The following HAO1 variants were observed in gnomAD, a reference collection of about 807,000 sequenced individuals.
HAO1 encodes hydroxyacid oxidase 1.
A neutral mutation model predicts 39.7 loss-of-function variants in HAO1; 34 were observed. The observed-to-expected ratio is 0.86, with a 90% CI of 0.65 to 1.14. The LOEUF (loss-of-function observed/expected upper bound fraction) is 1.14, where lower values mean the gene tolerates loss of function less well. HAO1 is among the 50% of genes most tolerant of loss of function. The pLI is 0.00. For synonymous variants in HAO1, 172 were observed against 173.2 expected (o/e 0.99, Z 0.05); for missense variants, 479 against 464.5 (o/e 1.03, Z -0.29).
At chr20:7,891,731 C>G (rs752963810) in intron 5 of HAO1, among the ~76,000 whole-genome samples, 5 of 152,168 alleles carry the variant, frequency 3.3e-5, no homozygotes, top group Non-Finnish European at 5.9e-5. Context: ...AACTCAAAAG[C>G]CCTTCTAGAC....
chr20:7,939,942 T>G (rs2050433014), intron 1 of HAO1, among the ~76,000 whole-genome samples: 1 of 152,192 alleles, frequency 6.6e-6, no homozygotes, highest in African/African-American at 2.4e-5. Context: ...TAATGCTGTT[T>G]CCTACACCAT....
chr20:7,940,274 A>T lies in HAO1; in HGVS notation c.137+12T>A, dbSNP rs769700968. 5.0e-6 allele frequency: 8 copies of T among 1,586,874 alleles called. No homozygotes were observed. The highest frequency in any genetic ancestry group is 6.8e-6 in the Non-Finnish European group (8 of 1,170,014). On this transcript the variant is annotated intron_variant, in intron 1 of 7. Transcript: ENST00000378789. The stretch of plus-strand genomic sequence containing the variant: ...ATTTTAAAACATGATTTTAAAAAAT[A>T]AATTTTCTTACCTGGAAAATGCTGC...
chr20:7,889,190 T>C (rs890908717), intron 5 of HAO1, among the ~76,000 whole-genome samples: 1 of 151,660 alleles, frequency 6.6e-6, no homozygotes, highest in African/African-American at 2.4e-5. Flanking sequence ...TGGACTCTTT[T>C]TATAGAAGAA....
At chr20:7,919,767 A>C (rs1205641037) in intron 2 of HAO1, among the ~76,000 whole-genome samples, 1 of 152,190 alleles carries the variant, frequency 6.6e-6, no homozygotes, top group Non-Finnish European at 1.5e-5. Flanking sequence ...GCATTTGGAA[A>C]AATAAGTTCT....
intron 5 of HAO1, among the ~76,000 whole-genome samples, chr20:7,886,182 G>GTT (rs11480990): frequency 0.011 from 1,626 of 150,340 alleles, 36 homozygotes; most frequent in African/African-American, 0.038. Flanking sequence ...TAACTTTTTT[G>GTT]TTTTTTTTTG....
intron 4 of HAO1, among the ~76,000 whole-genome samples, chr20:7,895,687 T>C (rs901362483): frequency 2.6e-5 from 4 of 152,240 alleles, no homozygotes; most frequent in East Asian, 1.9e-4. Context: ...TAACAAGTTG[T>C]AATAGCTTTA....
intron 5 of HAO1, among the ~76,000 whole-genome samples, chr20:7,894,515 G>T (rs1009227195): frequency 6.6e-6 from 1 of 152,144 alleles, no homozygotes; most frequent in African/African-American, 2.4e-5. Context: ...AGCAGATCAG[G>T]ATTCTTTAAA....
In HAO1 at chr20:7,934,540, C is replaced by G; in HGVS notation, c.233G>C (p.Gly78Ala). ...AGCCATGCGCTGCATGGCCGTAGCC[C>G]CCACACATATTGGCATGCTGACCCT... ...GQRVSMPICV[G>A]ATAMQRMAHV... Residue 78 changes from glycine (G) to alanine (A), a missense_variant, in exon 2 of 8, where the codon GGG becomes GCG. By Grantham distance (60) the Gly-to-Ala change is moderately conservative. Transcript: ENST00000378789. The G allele has an allele frequency of 1.2e-6, 2 of 1,613,632 alleles. No homozygotes were observed. The highest frequency in any genetic ancestry group is 8.5e-7 in the Non-Finnish European group (1 of 1,179,618).
intron 2 of HAO1, among the ~76,000 whole-genome samples, chr20:7,930,843 T>G (rs186510976): frequency 1.3e-5 from 2 of 152,216 alleles, no homozygotes; most frequent in Admixed American, 1.3e-4. Context: ...AGGCAAAAAG[T>G]GGTAGGTCTG....
intron 5 of HAO1, among the ~76,000 whole-genome samples, chr20:7,892,665 G>T (rs2122753614): frequency 6.6e-6 from 1 of 152,178 alleles, no homozygotes; most frequent in East Asian, 1.9e-4. Flanking sequence ...ACCACTGAAG[G>T]GTTCCGATAA....
chr20:7,928,960 C>G (rs1301898780), intron 2 of HAO1, among the ~76,000 whole-genome samples: 1 of 152,168 alleles, frequency 6.6e-6, no homozygotes, highest in Non-Finnish European at 1.5e-5. Flanking sequence ...CACATCCCTG[C>G]TCCCTTGGGT....
chr20:7,940,390 A>G lies in HAO1; in HGVS notation c.33T>C (p.Tyr11=), dbSNP rs929226189. ...GAAGTACTGATTTAGCATGTTGTTC[A>G]TAATCATTGATACAAATTAGCCGGG... MLPRLICIND[Y]EQHAKSVLPK... The change falls in exon 1 of 8, where the codon TAT becomes TAC. Residue 11 remains tyrosine, a synonymous_variant. Coordinates refer to ENST00000378789, the MANE Select transcript of HAO1 (RefSeq NM_017545.3). 6.2e-7 allele frequency: 1 copy of G among 1,611,936 alleles called. No homozygotes were observed. Among genetic ancestry groups the G allele is most frequent in the Middle Eastern group, 1.7e-4 (1 of 6,058 alleles).
In HAO1 at chr20:7,904,699, C is replaced by T. The variant is rs57371838; in HGVS notation, c.721+1455G>A. The stretch of plus-strand genomic sequence containing the variant: ...CTACAAGAATAGACTGTCATTTTAT[C>T]CAAGGATCTAAAATTATTTTATTTC... On this transcript the variant is annotated intron_variant, in intron 4 of 7. Transcript: ENST00000378789. Among the ~76,000 whole-genome samples, 1,074 of 152,072 alleles carry T rather than the reference C, an allele frequency of 7.1e-3. 19 individuals carry two copies. Among genetic ancestry groups the T allele is most frequent in the African/African-American group, 0.024 (999 of 41,448 alleles).
intron 4 of HAO1, among the ~76,000 whole-genome samples, chr20:7,898,276 TTACA>T (rs2050206291): frequency 6.6e-6 from 1 of 152,114 alleles, no homozygotes; most frequent in Non-Finnish European, 1.5e-5. Flanking sequence ...AAGCATTCTA[TTACA>T]TAATCTACCC....
chr20:7,922,270 T>C (rs1442123115), intron 2 of HAO1, among the ~76,000 whole-genome samples: 1 of 152,088 alleles, frequency 6.6e-6, no homozygotes, highest in African/African-American at 2.4e-5. Flanking sequence ...ACTGTTAGAA[T>C]GGTTATTATC....
intron 2 of HAO1, among the ~76,000 whole-genome samples, chr20:7,929,212 G>T (rs2050375527): frequency 6.6e-6 from 1 of 152,102 alleles, no homozygotes; most frequent in African/African-American, 2.4e-5. Context: ...CAAAGAAAAA[G>T]AACAATTTTT....
intron 4 of HAO1, among the ~76,000 whole-genome samples, chr20:7,898,651 A>G (rs2122760029): frequency 6.6e-6 from 1 of 152,258 alleles, no homozygotes; most frequent in East Asian, 1.9e-4. Flanking sequence ...CTTCCATCAT[A>G]CAGTACCACT....
At chr20:7,931,631 A>C (rs1170083166) in intron 2 of HAO1, among the ~76,000 whole-genome samples, 1 of 152,214 alleles carries the variant, frequency 6.6e-6, no homozygotes, top group Non-Finnish European at 1.5e-5. Flanking sequence ...TTGCTTTATA[A>C]GTGTTAAATA....
At chr20:7,916,073 C>G (rs181696845) in intron 2 of HAO1, among the ~76,000 whole-genome samples, 1 of 151,904 alleles carries the variant, frequency 6.6e-6, no homozygotes, top group South Asian at 2.1e-4. Context: ...TAGCAAGAAA[C>G]GGGCAAATAA....
Sources: allele counts gnomAD v4.1 joint callset (sites outside exome capture counted in the v4.1 genomes callset), GRCh38; gene constraint gnomAD v4.1.1; transcripts MANE v1.5; gene names NCBI Gene and HGNC (gene_info 2026-07-23, HGNC 2026-07-21).